MAGI2: variants seen among roughly 807,000 people sequenced by gnomAD.
The protein encoded by MAGI2 is membrane-associated guanylate kinase, WW and PDZ domain-containing protein 2.
Under a neutral mutation model 133.3 loss-of-function variants are expected in MAGI2, and 35 were observed. The ratio of observed to expected loss-of-function variants is 0.26; its 90% CI spans 0.20 to 0.35. The LOEUF (loss-of-function observed/expected upper bound fraction) is 0.35, where lower values mean the gene tolerates loss of function less well. MAGI2 is among the 10% of genes least tolerant of loss of function. The pLI is 1.00. For missense variants in MAGI2, 1,636 were observed against 1,863.4 expected, an observed-to-expected ratio of 0.88 and a Z score of 2.25; for synonymous variants, 729 against 710.6, an observed-to-expected ratio of 1.03 and a Z score of -0.41.
At chr7:78,826,731 A>C (rs893224789) in intron 2 of MAGI2, among the ~76,000 whole-genome samples, 16 of 152,192 alleles carry the variant, frequency 1.1e-4, no homozygotes, top group African/African-American at 3.6e-4. Flanking sequence ...ACTGCATTAC[A>C]AAAAATATGA....
intron 9 of MAGI2, among the ~76,000 whole-genome samples, chr7:78,305,545 A>G (rs537373501): frequency 6.6e-6 from 1 of 152,172 alleles, no homozygotes; most frequent in Non-Finnish European, 1.5e-5. Context: ...ACTGTGTTCT[A>G]TGGTAATATG....
At chr7:79,138,881 C>T (rs545215026) in intron 1 of MAGI2, among the ~76,000 whole-genome samples, 145 of 151,204 alleles carry the variant, frequency 9.6e-4, no homozygotes, top group Middle Eastern at 3.5e-3. Flanking sequence ...TGGTTGGCCC[C>T]TGTAGAATGG....
intron 6 of MAGI2, among the ~76,000 whole-genome samples, chr7:78,405,724 C>G (rs1797314371): frequency 6.6e-6 from 1 of 151,904 alleles, no homozygotes; most frequent in Non-Finnish European, 1.5e-5. Context: ...TAGACGATGC[C>G]TTCACAAACT....
chr7:78,860,318 G>A (rs1342684409), intron 2 of MAGI2, among the ~76,000 whole-genome samples: 2 of 152,108 alleles, frequency 1.3e-5, no homozygotes, highest in African/African-American at 2.4e-5. Flanking sequence ...GAGAAGAGGC[G>A]CTCTGATTTT....
At chr7:78,963,043 A>C (rs1377252426) in intron 2 of MAGI2, among the ~76,000 whole-genome samples, 3 of 152,140 alleles carry the variant, frequency 2.0e-5, no homozygotes, top group African/African-American at 7.2e-5. Flanking sequence ...TGCTCCCTCA[A>C]ACTTGGAAGT....
chr7:79,188,320 C>T (rs45619433), intron 1 of MAGI2, among the ~76,000 whole-genome samples: 2 of 151,658 alleles, frequency 1.3e-5, no homozygotes, highest in African/African-American at 2.4e-5. Flanking sequence ...TGCTCTTTAC[C>T]CTGTGTCCAT....
At chr7:78,567,954 C>T (rs1801118583) in intron 3 of MAGI2, 1 of 152,252 alleles carries the variant, frequency 6.6e-6, no homozygotes, top group Non-Finnish European at 1.5e-5. Context: ...TTTACCAAGA[C>T]ATCCACATTG....
chr7:78,770,379 C>T (rs1243125637), intron 2 of MAGI2, among the ~76,000 whole-genome samples: 5 of 152,156 alleles, frequency 3.3e-5, no homozygotes, highest in Admixed American at 6.5e-5. Context: ...GATGGGGTGC[C>T]ATTTCAAACT....
chr7:79,274,647 T>A (rs1285060292), intron 1 of MAGI2, among the ~76,000 whole-genome samples: 2 of 152,030 alleles, frequency 1.3e-5, no homozygotes, highest in Non-Finnish European at 2.9e-5. Flanking sequence ...CATACTTTCT[T>A]TATTTACAGG....
intron 1 of MAGI2, among the ~76,000 whole-genome samples, chr7:79,382,564 G>A (rs1170171051): frequency 1.3e-5 from 2 of 151,466 alleles, no homozygotes; most frequent in African/African-American, 4.8e-5. Flanking sequence ...TAACATACCT[G>A]TGCCTCAGCT....
chr7:79,141,270 T>C (rs1372597420), intron 1 of MAGI2, among the ~76,000 whole-genome samples: 1 of 152,192 alleles, frequency 6.6e-6, no homozygotes, highest in African/African-American at 2.4e-5. Context: ...TTGTTCCAGA[T>C]GATGTGCTGG....
chr7:79,379,334 G>GCCACATTTTC (rs1025343193), intron 1 of MAGI2, among the ~76,000 whole-genome samples: 1 of 151,788 alleles, frequency 6.6e-6, no homozygotes, highest in East Asian at 1.9e-4. Context: ...ATGTATATGT[G>GCCACATTTTC]CCACATTTTC....
intron 6 of MAGI2, among the ~76,000 whole-genome samples, chr7:78,394,769 T>C (rs1296267876): frequency 2.6e-5 from 4 of 152,208 alleles, no homozygotes; most frequent in Admixed American, 1.3e-4. Flanking sequence ...GATCTTTGCA[T>C]TGCTATTTCT....
chr7:78,873,758 G>T (rs1406638588), intron 2 of MAGI2, among the ~76,000 whole-genome samples: 1 of 152,106 alleles, frequency 6.6e-6, no homozygotes, highest in Non-Finnish European at 1.5e-5. Flanking sequence ...TACCAAAAAG[G>T]TTGGGGACCA....
intron 2 of MAGI2, among the ~76,000 whole-genome samples, chr7:78,913,932 T>A (rs942118296): frequency 1.3e-5 from 2 of 152,156 alleles, no homozygotes; most frequent in Non-Finnish European, 2.9e-5. Flanking sequence ...ACCCTCCCAA[T>A]AAGAATCTCT....
chr7:78,892,058 A>C (rs1796808185), intron 2 of MAGI2, among the ~76,000 whole-genome samples: 1 of 152,190 alleles, frequency 6.6e-6, no homozygotes, highest in African/African-American at 2.4e-5. Flanking sequence ...AATGTGCAAA[A>C]ATCACAAGCA....
chr7:79,170,635 T>C (rs183534275), intron 1 of MAGI2, among the ~76,000 whole-genome samples: 3 of 152,280 alleles, frequency 2.0e-5, no homozygotes, highest in Admixed American at 2.0e-4. Context: ...TTGTTATAAA[T>C]GCCTAAAGTT....
At chr7:78,986,968 G>A (rs1362589104) in intron 2 of MAGI2, among the ~76,000 whole-genome samples, 1 of 151,932 alleles carries the variant, frequency 6.6e-6, no homozygotes, top group Non-Finnish European at 1.5e-5. Context: ...ATGGACAGCA[G>A]GGTCAGCCCT....
intron 3 of MAGI2, among the ~76,000 whole-genome samples, chr7:78,612,515 T>A (rs1806561912): frequency 6.6e-6 from 1 of 152,154 alleles, no homozygotes; most frequent in African/African-American, 2.4e-5. Context: ...TAAACCACAT[T>A]GTTTTTCCTC....
Sources: allele counts gnomAD v4.1 joint callset (sites outside exome capture counted in the v4.1 genomes callset), GRCh38; gene constraint gnomAD v4.1.1; transcripts MANE v1.5; gene names NCBI Gene and HGNC (gene_info 2026-07-23, HGNC 2026-07-21).